Variants in SNRPN observed in about 807,000 individuals in gnomAD.
SNRPN encodes small nuclear ribonucleoprotein-associated protein N.
A neutral mutation model predicts 25.2 loss-of-function variants in SNRPN; 7 were observed. The observed-to-expected ratio is 0.28, with a 90% CI of 0.16 to 0.52. The LOEUF is 0.52. Ranked by LOEUF, SNRPN falls within the 20% of genes least tolerant of loss-of-function variation. The probability of loss-of-function intolerance (pLI) is 0.96; values close to 1 mark genes in which losing one functional copy is unlikely to be tolerated. For synonymous variants in SNRPN, 124 were observed against 110.6 expected, an observed-to-expected ratio of 1.12 and a Z score of -0.76; for missense variants, 196 against 322.5, an observed-to-expected ratio of 0.61 and a Z score of 3.00.
intron 3 of SNRPN, among the ~76,000 whole-genome samples, chr15:24,935,735 CT>C (rs1367945050): frequency 2.0e-5 from 3 of 152,024 alleles, no homozygotes; most frequent in Non-Finnish European, 4.4e-5. Context: ...AAAAGTTGCC[CT>C]AAAATAAGGT....
At chr15:24,905,987 C>T (rs1029985522) in intron 2 of SNRPN, among the ~76,000 whole-genome samples, 10 of 151,882 alleles carry the variant, frequency 6.6e-5, no homozygotes, top group South Asian at 2.1e-4. Context: ...ACAAGGTTAA[C>T]GAGTGAGACT....
intron 3 of SNRPN, among the ~76,000 whole-genome samples, chr15:24,973,973 A>G (rs2076771384): frequency 6.6e-6 from 1 of 152,232 alleles, no homozygotes; most frequent in African/African-American, 2.4e-5. Flanking sequence ...TGATACAGAG[A>G]TGACTTCATA....
rs1460921830 is a variant in SNRPN, at chr15:24,968,028, A to G, written c.-198A>G. 1 of 1,613,960 alleles carries G rather than the reference A, an allele frequency of 6.2e-7. No homozygotes were observed. The highest frequency in any genetic ancestry group is 1.3e-5 in the African/African-American group (1 of 74,908). ...AGGCATTCTTAGCTGAGACACCAAG[A>G]GGTGGTTAAAGCCATATTGGAGTAG... On this transcript the variant is annotated 5_prime_UTR_variant, in exon 3 of 10. Transcript: ENST00000390687.
chr15:24,964,442 G>C (rs889384937), intron 2 of SNRPN, among the ~76,000 whole-genome samples: 4 of 152,208 alleles, frequency 2.6e-5, no homozygotes, highest in Middle Eastern at 3.4e-3. Flanking sequence ...ATAGGTGTGT[G>C]CCACCATGCC....
chr15:24,882,833 A>AAAT (rs71312670), intron 1 of SNRPN, among the ~76,000 whole-genome samples: 5 of 119,290 alleles, frequency 4.2e-5, no homozygotes, highest in Non-Finnish European at 8.9e-5. Flanking sequence ...CAAAAAAAAA[A>AAAT]ATATATATAT....
rs2060644582 is a variant in SNRPN, at chr15:24,929,373, T to C, written c.-391+9249T>C. Among the ~76,000 whole-genome samples the C allele has an allele frequency of 6.6e-6, 1 of 152,130 alleles. No individual in the cohort carries two copies. The highest frequency in any genetic ancestry group is 2.1e-4 in the South Asian group (1 of 4,826). ...TTGCCTCCTAGGGTCCCCTTTCCTC[T>C]CATCAGTTGCCAGACAAGAGGAGCA... is the stretch of plus-strand genomic sequence containing the variant. On this transcript the variant is annotated intron_variant, in intron 3 of 11. Coordinates refer to the SNRPN transcript ENST00000400097. The surrounding 1 kb of genome is among the most constrained non-coding windows in gnomAD (Gnocchi z 5.3).
chr15:24,921,959 G>T (rs1309446690), intron 3 of SNRPN, among the ~76,000 whole-genome samples: 2 of 151,410 alleles, frequency 1.3e-5, no homozygotes, highest in Non-Finnish European at 2.9e-5. Context: ...AGCACTTTGG[G>T]AGGCCAAGGC....
At chr15:24,901,088 C>A (rs527332697) in intron 2 of SNRPN, among the ~76,000 whole-genome samples, 1 of 151,980 alleles carries the variant, frequency 6.6e-6, no homozygotes, top group Non-Finnish European at 1.5e-5. Context: ...AGAGCCAGAC[C>A]CTGTCTCAAA....
In SNRPN at chr15:24,915,286, C is replaced by A. The variant is rs1474679219; in HGVS notation, c.-504-4725C>A. 2.0e-5 allele frequency among the ~76,000 whole-genome samples: 3 copies of A among 151,978 alleles called. No homozygotes were observed. The East Asian group carries it at 5.8e-4, about 30-fold the overall frequency. On this transcript the variant is annotated intron_variant, in intron 2 of 11. Transcript: ENST00000400097. ...GGGATTACAGGCGTGCACCACCATACCCGGCTAATTTTTGTATTTTTAGTA... is the reference window on the plus strand; with the variant it reads ...GGGATTACAGGCGTGCACCACCATAACCGGCTAATTTTTGTATTTTTAGTA...
chr15:24,962,781 A>G, intron 2 of SNRPN, among the ~76,000 whole-genome samples: 1 of 152,198 alleles, frequency 6.6e-6, no homozygotes. Flanking sequence ...AAATGACCTA[A>G]TACATATTTA....
chr15:24,976,751 T>G (rs2077106373), intron 6 of SNRPN, 126 bp from the exon 7 acceptor site: 3 of 835,074 alleles, frequency 3.6e-6, no homozygotes, highest in Admixed American at 2.6e-5. Flanking sequence ...GTTTGTTCAT[T>G]TGGACACAGA....
chr15:24,975,371 G>A lies in SNRPN; in HGVS notation c.17G>A (p.Ser6Asn). MTVGK[S>N]SKMLQHIDYR... ...TACTGCTTCTAGACTGTTGGCAAGAGTAGCAAGATGCTGCAGCACATTGAC... is the reference window on the plus strand; with the variant it reads ...TACTGCTTCTAGACTGTTGGCAAGAATAGCAAGATGCTGCAGCACATTGAC... The change falls in exon 5 of 10, where the codon AGT becomes AAT. Residue 6 changes from serine to asparagine, a missense_variant. Physicochemically the swap from Ser to Asn is conservative, Grantham distance 46. Coordinates refer to ENST00000390687, the MANE Select transcript of SNRPN (RefSeq NM_003097.6). 6.2e-7 allele frequency: 1 copy of A among 1,613,670 alleles called. No homozygotes were observed. The highest frequency in any genetic ancestry group is 8.5e-7 in the Non-Finnish European group (1 of 1,179,724).
chr15:24,915,038 A>C (rs2059428395), intron 2 of SNRPN, among the ~76,000 whole-genome samples: 1 of 152,154 alleles, frequency 6.6e-6, no homozygotes, highest in Non-Finnish European at 1.5e-5. Context: ...CAGAGTGGTC[A>C]TGTATCACTT....
intron 3 of SNRPN, among the ~76,000 whole-genome samples, chr15:24,923,350 T>G (rs2060150243): frequency 6.6e-6 from 1 of 152,144 alleles, no homozygotes; most frequent in Non-Finnish European, 1.5e-5. Flanking sequence ...GTAGTGGAAT[T>G]CATGGATCTT....
At chr15:24,948,134 T>TGGA (rs2061999685) in intron 3 of SNRPN, among the ~76,000 whole-genome samples, 1 of 152,012 alleles carries the variant, frequency 6.6e-6, no homozygotes, top group African/African-American at 2.4e-5. Flanking sequence ...TGTTTTGAGA[T>TGGA]GGAGTCTCAC....
chr15:24,848,205 AC>A (rs927478248), intron 2 of SNRPN, among the ~76,000 whole-genome samples: 13 of 71,604 alleles, frequency 1.8e-4, no homozygotes, highest in Admixed American at 3.7e-4. Flanking sequence ...AGGTCACAGG[AC>A]GGAGCTGGGG....
At chr15:24,874,309 CA>C (rs199834006) in intron 1 of SNRPN, among the ~76,000 whole-genome samples, 59 of 61,418 alleles carry the variant, frequency 9.6e-4, no homozygotes, top group Admixed American at 3.5e-3. Flanking sequence ...GACTCTGTCT[CA>C]AAAAAAAAAA....
chr15:24,921,299 A>C (rs1244277933), intron 3 of SNRPN: 2 of 152,172 alleles, frequency 1.3e-5, no homozygotes, highest in Non-Finnish European at 2.9e-5. Context: ...ATTCGTGAGG[A>C]TGCAGGTGCG....
At chr15:24,896,671 G>A (rs1197680516) in intron 2 of SNRPN, among the ~76,000 whole-genome samples, 3 of 151,892 alleles carry the variant, frequency 2.0e-5, no homozygotes, top group Non-Finnish European at 4.4e-5. Context: ...CCGAGATCGT[G>A]CCACTGCACT....
Sources: allele counts gnomAD v4.1 joint callset (sites outside exome capture counted in the v4.1 genomes callset), GRCh38; gene constraint gnomAD v4.1.1; non-coding constraint Gnocchi (gnomAD v3.1); transcripts MANE v1.5; gene names NCBI Gene and HGNC (gene_info 2026-07-23, HGNC 2026-07-21).